Variants in ENOX1 observed in about 807,000 individuals in gnomAD.
The protein encoded by ENOX1 is ecto-NOX disulfide-thiol exchanger 1, also known as candidate growth-related and time keeping constitutive hydroquinone (NADH) oxidase.
Under a neutral mutation model 82.5 loss-of-function variants are expected in ENOX1, and 42 were observed. That is an observed-to-expected ratio of 0.51 (90% CI 0.40 to 0.66). The LOEUF (loss-of-function observed/expected upper bound fraction) is 0.66, where lower values mean the gene tolerates loss of function less well. Among genes scored for constraint, ENOX1 ranks in the 30% least tolerant of loss-of-function variants. The pLI, the probability that ENOX1 is intolerant of heterozygous loss-of-function variation, is 0.00. For missense variants in ENOX1, 608 were observed against 811.6 expected (o/e 0.75, Z 3.05); for synonymous variants, 271 against 282.2 (o/e 0.96, Z 0.40).
intron 2 of ENOX1, among the ~76,000 whole-genome samples, chr13:43,588,319 G>A (rs1219741533): frequency 1.3e-5 from 2 of 152,080 alleles, no homozygotes; most frequent in South Asian, 4.2e-4. Context: ...TAGTCTTAGT[G>A]CATTCAATCA....
intron 1 of ENOX1, among the ~76,000 whole-genome samples, chr13:43,700,225 G>A (rs1348774795): frequency 1.3e-5 from 2 of 152,078 alleles, no homozygotes; most frequent in African/African-American, 4.8e-5. Flanking sequence ...TAGTAAGGGG[G>A]AAAATAAAAC....
At chr13:43,626,786 T>A (rs1478248925) in intron 2 of ENOX1, among the ~76,000 whole-genome samples, 1 of 151,936 alleles carries the variant, frequency 6.6e-6, no homozygotes, top group Non-Finnish European at 1.5e-5. Flanking sequence ...GACTGTTTTA[T>A]AAATGTAAAT....
chr13:43,668,298 T>C (rs1402400553), intron 1 of ENOX1, among the ~76,000 whole-genome samples: 2 of 152,152 alleles, frequency 1.3e-5, no homozygotes, highest in Admixed American at 6.6e-5. Context: ...CTGAGAAGCA[T>C]GGTTTTAAAG....
intron 12 of ENOX1, among the ~76,000 whole-genome samples, chr13:43,283,118 G>A (rs1266656251): frequency 6.6e-6 from 1 of 151,548 alleles, no homozygotes; most frequent in Non-Finnish European, 1.5e-5. Context: ...CTATTAATTC[G>A]AGCTTTCAAT....
intron 1 of ENOX1, among the ~76,000 whole-genome samples, chr13:43,705,354 T>C (rs561271612): frequency 0.034 from 44 of 1,294 alleles, no homozygotes; most frequent in African/African-American, 0.038. Context: ...ATTTGTAATA[T>C]ATATATATGT....
At chr13:43,485,365 T>A (rs924219895) in intron 2 of ENOX1, among the ~76,000 whole-genome samples, 1 of 152,230 alleles carries the variant, frequency 6.6e-6, no homozygotes, top group South Asian at 2.1e-4. Flanking sequence ...CCATAGACTT[T>A]TGTCTGTCCT....
At position 43,365,543 on chromosome 13, in the gene ENOX1, ACCC is replaced by A. The variant is rs557118205; in HGVS notation, c.209-4094_209-4092del. Among the ~76,000 whole-genome samples, 1,412 of 152,254 alleles carry A rather than the reference ACCC, an allele frequency of 9.3e-3. 23 individuals are homozygous for A. Among genetic ancestry groups the A allele is most frequent in the African/African-American group, 0.031 (1,307 of 41,546 alleles). On this transcript the variant is annotated intron_variant, in intron 5 of 16. Coordinates refer to ENST00000690772, the MANE Select transcript of ENOX1 (RefSeq NM_001347969.2). ...TCTGTCTACAGGTCACAGGGCCTGC[ACCC>A]CCTGGTCCAGGGTTCAGACCCAGCC...
chr13:43,642,696 G>A (rs756444422), intron 2 of ENOX1, among the ~76,000 whole-genome samples: 3 of 152,204 alleles, frequency 2.0e-5, no homozygotes, highest in Non-Finnish European at 4.4e-5. Context: ...ACTGGGATTG[G>A]ATTCCTTTAC....
At chr13:43,327,647 A>T (rs1376982897) in intron 9 of ENOX1, among the ~76,000 whole-genome samples, 2 of 152,226 alleles carry the variant, frequency 1.3e-5, no homozygotes, top group Middle Eastern at 3.2e-3. Flanking sequence ...TAAATCTTTC[A>T]TAAGTGATTC....
chr13:43,735,727 A>C (rs1032930672), intron 1 of ENOX1, among the ~76,000 whole-genome samples: 2 of 152,202 alleles, frequency 1.3e-5, no homozygotes, highest in African/African-American at 4.8e-5. Flanking sequence ...TCTCCAAAAA[A>C]AAAAGGCAAA....
chr13:43,413,208 G>C (rs905563028), intron 3 of ENOX1, among the ~76,000 whole-genome samples: 3 of 152,108 alleles, frequency 2.0e-5, no homozygotes, highest in African/African-American at 4.8e-5. Context: ...GACTCACCAG[G>C]AGCCTGGGCT....
At chr13:43,637,654 T>G (rs1247862928) in intron 2 of ENOX1, among the ~76,000 whole-genome samples, 2 of 152,020 alleles carry the variant, frequency 1.3e-5, no homozygotes, top group Non-Finnish European at 2.9e-5. Context: ...AATTCAAGAC[T>G]TAAAGAATAG....
intron 1 of ENOX1, among the ~76,000 whole-genome samples, chr13:43,761,743 T>C (rs578072850): frequency 4.6e-4 from 70 of 152,318 alleles, no homozygotes; most frequent in Non-Finnish European, 8.7e-4. Flanking sequence ...TTCTTGCAGC[T>C]TTAAGCCAAA....
chr13:43,246,219 T>C (rs2043074445), intron 14 of ENOX1, among the ~76,000 whole-genome samples: 1 of 152,212 alleles, frequency 6.6e-6, no homozygotes, highest in South Asian at 2.1e-4. Flanking sequence ...AAATGAAGAA[T>C]AATGAGGCTA....
At chr13:43,649,968 C>T (rs7333923) in intron 2 of ENOX1, among the ~76,000 whole-genome samples, 5,619 of 152,288 alleles carry the variant, frequency 0.037, 316 homozygotes, top group African/African-American at 0.13. Flanking sequence ...ACCCTCCTCT[C>T]CTACTCTCTT....
intron 2 of ENOX1, among the ~76,000 whole-genome samples, chr13:43,543,305 C>A (rs1296836954): frequency 6.6e-6 from 1 of 152,100 alleles, no homozygotes; most frequent in Admixed American, 6.5e-5. Context: ...ATGTTTTGAG[C>A]TATTAGTGAA....
intron 1 of ENOX1, among the ~76,000 whole-genome samples, chr13:43,724,027 C>G (rs1048476901): frequency 6.6e-6 from 1 of 152,144 alleles, no homozygotes; most frequent in South Asian, 2.1e-4. Flanking sequence ...ACTGTAATAC[C>G]TATCTGCCTC....
rs555683112 is a variant in ENOX1 at position 43,715,288 on chromosome 13, T to A, written c.-284-47744A>T. Among the ~76,000 whole-genome samples the A allele has an allele frequency of 5.9e-3, 893 of 152,350 alleles. 8 individuals are homozygous for A. The highest frequency in any genetic ancestry group is 0.021 in the African/African-American group (857 of 41,576). ...TTTCTGCCGAGAGATCCGCTGTTAG[T>A]CTGATGGGCTTCCCTTTGTGGGTAA... On this transcript the variant is annotated intron_variant, in intron 1 of 16. Coordinates refer to ENST00000690772, the MANE Select transcript of ENOX1 (RefSeq NM_001347969.2).
chr13:43,269,378 T>G, intron 13 of ENOX1, 92 bp downstream of exon 13: 1 of 967,236 alleles, frequency 1.0e-6, no homozygotes, highest in Non-Finnish European at 1.6e-6. Flanking sequence ...GCAGATTACT[T>G]TCAGTAAATG....
Sources: allele counts gnomAD v4.1 joint callset (sites outside exome capture counted in the v4.1 genomes callset), GRCh38; gene constraint gnomAD v4.1.1; transcripts MANE v1.5; gene names NCBI Gene and HGNC (gene_info 2026-07-23, HGNC 2026-07-21).